Variants in SPECC1 observed in about 807,000 individuals in gnomAD.
The protein encoded by SPECC1 is cytospin-B.
Under a neutral mutation model 104.1 loss-of-function variants are expected in SPECC1, and 62 were observed. The observed-to-expected ratio is 0.60, with a 90% CI of 0.49 to 0.74. The LOEUF (loss-of-function observed/expected upper bound fraction) is 0.74, where lower values mean the gene tolerates loss of function less well. SPECC1 is among the 30% of genes least tolerant of loss of function. The pLI is 0.00. For missense variants in SPECC1, 1,306 were observed against 1,310.5 expected, an observed-to-expected ratio of 1.00 and a Z score of 0.05; for synonymous variants, 513 against 501.6, an observed-to-expected ratio of 1.02 and a Z score of -0.30.
At chr17:20,240,405 G>GAT (rs1277435680) in intron 7 of SPECC1, among the ~76,000 whole-genome samples, 1 of 151,778 alleles carries the variant, frequency 6.6e-6, no homozygotes, top group Non-Finnish European at 1.5e-5. Context: ...TTTTTCATGT[G>GAT]ATATGGCTTT....
intron 1 of SPECC1, among the ~76,000 whole-genome samples, chr17:20,065,418 G>A (rs1207922557): frequency 1.3e-5 from 2 of 152,156 alleles, no homozygotes; most frequent in African/African-American, 4.8e-5. Flanking sequence ...TAATTTGCTG[G>A]AGCAGCTCAC....
intron 1 of SPECC1, among the ~76,000 whole-genome samples, chr17:20,065,155 C>T (rs1421901759): frequency 6.6e-6 from 1 of 152,200 alleles, no homozygotes; most frequent in Non-Finnish European, 1.5e-5. Flanking sequence ...ACCACAACAA[C>T]AGTCATCAAC....
intron 14 of SPECC1, chr17:20,306,315 G>A: frequency 6.2e-6 from 3 of 480,182 alleles, no homozygotes; most frequent in South Asian, 3.4e-5. Context: ...GAAACACAGT[G>A]GACTGAATTA....
chr17:20,225,957 C>A (rs947851038), intron 4 of SPECC1, among the ~76,000 whole-genome samples: 1 of 152,102 alleles, frequency 6.6e-6, no homozygotes, highest in Admixed American at 6.5e-5. Context: ...TCATTAAATG[C>A]CTCCTGTGTG....
intron 3 of SPECC1, among the ~76,000 whole-genome samples, chr17:20,166,580 T>A (rs1305630866): frequency 1.3e-5 from 2 of 152,106 alleles, no homozygotes; most frequent in Non-Finnish European, 2.9e-5. Flanking sequence ...CTCTGAAAAC[T>A]TTTATTATCA....
intron 1 of SPECC1, among the ~76,000 whole-genome samples, chr17:20,077,771 G>A (rs2046818004): frequency 6.6e-6 from 1 of 152,058 alleles, no homozygotes; most frequent in South Asian, 2.1e-4. Context: ...CTAGCCTGTT[G>A]CTTTTATGAT....
chr17:20,156,437 C>T (rs868535583), intron 3 of SPECC1, among the ~76,000 whole-genome samples: 1 of 152,166 alleles, frequency 6.6e-6, no homozygotes, highest in Non-Finnish European at 1.5e-5. Flanking sequence ...AAACGCTGCT[C>T]GTCCTGAACG....
chr17:20,282,062 G>A (rs1246241316), intron 12 of SPECC1, among the ~76,000 whole-genome samples: 1 of 152,272 alleles, frequency 6.6e-6, no homozygotes, highest in Non-Finnish European at 1.5e-5. Flanking sequence ...GGGGCAGGAG[G>A]TGTTGGCCGC....
At chr17:20,062,416 G>T (rs1396683636) in intron 1 of SPECC1, among the ~76,000 whole-genome samples, 1 of 152,062 alleles carries the variant, frequency 6.6e-6, no homozygotes, top group Non-Finnish European at 1.5e-5. Context: ...AGGCTGAAGT[G>T]CAGTGGTGTG....
intron 1 of SPECC1, among the ~76,000 whole-genome samples, chr17:20,071,811 A>G (rs1322136926): frequency 6.6e-6 from 1 of 151,692 alleles, no homozygotes; most frequent in Non-Finnish European, 1.5e-5. Flanking sequence ...TTAAAAAGTA[A>G]ATGACACTCA....
chr17:20,283,552 T>C (rs1472175279), intron 12 of SPECC1, among the ~76,000 whole-genome samples: 1 of 152,186 alleles, frequency 6.6e-6, no homozygotes, highest in East Asian at 1.9e-4. Flanking sequence ...CTTCAGTACA[T>C]TACAGGTTCA....
At chr17:20,313,271 CA>C (rs1186841916) in intron 14 of SPECC1, among the ~76,000 whole-genome samples, 1 of 152,074 alleles carries the variant, frequency 6.6e-6, no homozygotes, top group East Asian at 1.9e-4. Flanking sequence ...AACAAACAAA[CA>C]AAAAAACACA....
chr17:20,116,769 TC>T (rs2048775382), intron 3 of SPECC1, among the ~76,000 whole-genome samples: 1 of 146,574 alleles, frequency 6.8e-6, no homozygotes, highest in Non-Finnish European at 1.5e-5. Flanking sequence ...GTCCCCCAGT[TC>T]CAACCCAGGG....
chr17:20,107,083 G>GCC (rs2048240449), intron 2 of SPECC1, among the ~76,000 whole-genome samples: 1 of 143,520 alleles, frequency 7.0e-6, no homozygotes, highest in Non-Finnish European at 1.5e-5. Flanking sequence ...GGCAGAGGTT[G>GCC]CAGTGAGCCG....
At position 20,252,803 on chromosome 17, in the gene SPECC1, G is replaced by C. The variant is rs145291570; in HGVS notation, c.2599-702G>C. Among the ~76,000 whole-genome samples the C allele has an allele frequency of 1.6e-3, 245 of 152,288 alleles. 1 individual carries two copies. Among genetic ancestry groups the C allele is most frequent in the African/African-American group, 5.8e-3 (239 of 41,544 alleles). ...CTGGGGTTGCTTCCACGTCTTGGCT[G>C]TTGTGAATTATGCTGCAATGAGCAA... On this transcript the variant is annotated intron_variant, in intron 9 of 14. Coordinates refer to ENST00000395527, the MANE Select transcript of SPECC1 (RefSeq NM_001243439.2).
At chr17:20,086,898 C>G (rs2152496037) in intron 1 of SPECC1, 1 of 152,260 alleles carries the variant, frequency 6.6e-6, no homozygotes, top group South Asian at 2.1e-4. Context: ...TGCATTGTTT[C>G]CAGAGGAAAT....
intron 3 of SPECC1, among the ~76,000 whole-genome samples, chr17:20,131,694 G>GGC (rs2152548313): frequency 7.0e-6 from 1 of 143,710 alleles, no homozygotes; most frequent in African/African-American, 2.6e-5. Context: ...CTGTCACCCA[G>GGC]GCTGGAGTGC....
chr17:20,205,734 A>G lies in SPECC1; in HGVS notation c.1685A>G (p.Lys562Arg). The stretch of plus-strand genomic sequence containing the variant: ...TTGAAGTCTCATTTGCAGGGTGAGA[A>G]GCAGAAAGCCACAGAGGCCAGTGCT... ...GSLKSHLQGE[K>R]QKATEASAVE... The change falls in exon 4 of 15, where the codon AAG (lysine) becomes AGG (arginine). Residue 562 changes from lysine (K) to arginine (R), a missense_variant. Physicochemically the swap from Lys to Arg is conservative, Grantham distance 26. This residue lies in a region of SPECC1 where 1,177 missense variants were observed against 1,139.9 expected (regional missense o/e 1.03). Transcript: ENST00000395527. 5.6e-6 allele frequency: 9 copies of G among 1,614,232 alleles called. No individual in the cohort carries two copies. The highest frequency in any genetic ancestry group is 7.6e-6 in the Non-Finnish European group (9 of 1,180,040).
chr17:20,154,901 G>A (rs996560413), intron 3 of SPECC1, among the ~76,000 whole-genome samples: 3 of 152,074 alleles, frequency 2.0e-5, no homozygotes, highest in East Asian at 1.9e-4. Flanking sequence ...GAAAGGAGTC[G>A]AGGTTTCTGG....
Sources: gnomAD v4.1 joint callset for allele counts (sites outside exome capture counted in the v4.1 genomes callset) on GRCh38, gnomAD v4.1.1 for gene constraint, gnomAD v4.1.1 regional missense constraint, MANE v1.5 for transcripts, NCBI Gene and HGNC (gene_info 2026-07-23, HGNC 2026-07-21) for gene names.